Variants in CELF6 observed in about 807,000 individuals in gnomAD.
CELF6 encodes CUGBP Elav-like family member 6, also known as Bruno -like 6, RNA binding protein.
A neutral mutation model predicts 53.1 loss-of-function variants in CELF6; 32 were observed. That is an observed-to-expected ratio of 0.60 (90% CI 0.46 to 0.81). CELF6 has a LOEUF of 0.81. CELF6 is among the 30% of genes least tolerant of loss of function. The pLI is 0.00. For synonymous variants in CELF6, 291 were observed against 288.8 expected (o/e 1.01, Z -0.08); for missense variants, 539 against 669.5 (o/e 0.81, Z 2.15).
chr15:72,293,075 C>A (rs1196027070), intron 3 of CELF6, among the ~76,000 whole-genome samples: 1 of 152,180 alleles, frequency 6.6e-6, no homozygotes, highest in Admixed American at 6.5e-5. Flanking sequence ...CCCTATGGAT[C>A]TGGACTACTG....
rs369096275 is a variant in CELF6, at chr15:72,288,890, G to A, written c.1071C>T (p.Tyr357=). Residue 357 remains tyrosine, a synonymous_variant, in exon 9 of 13, where the codon TAC becomes TAT. Coordinates refer to ENST00000287202, the MANE Select transcript of CELF6 (RefSeq NM_052840.5). The surrounding 1 kb of genome is among the most constrained non-coding windows in gnomAD (Gnocchi z 4.6). ...PGVADPLQQA[Y]AGMHHYAAAY... Reference sequence around the variant, plus strand: ...AACCTGCGTAGTGGTGCATCCCAGCGTAGGCCTGCTGCAGGGGGTCAGCCA... The same window carrying A: ...AACCTGCGTAGTGGTGCATCCCAGCATAGGCCTGCTGCAGGGGGTCAGCCA... 280 of 1,550,986 alleles carry A rather than the reference G, an allele frequency of 1.8e-4. 1 individual carries two copies. The African/African-American group carries it at 2.9e-3, about 16-fold the overall frequency.
intron 2 of CELF6, 143 bp downstream of exon 2, chr15:72,315,702 G>T: frequency 1.9e-6 from 1 of 533,326 alleles, no homozygotes; most frequent in East Asian, 3.3e-5. Context: ...TTGCTGTTCA[G>T]GGTACAGGAA....
rs904826673 is a variant in CELF6 at position 72,288,133 on chromosome 15, C to T, written c.1318+175G>A. On this transcript the variant is annotated intron_variant, in intron 11 of 12. Coordinates refer to ENST00000287202, the MANE Select transcript of CELF6 (RefSeq NM_052840.5). This position sits in a 1 kb window ranked among gnomAD's most constrained non-coding sequence, Gnocchi z 4.6. ...GATTACAGGCGTGAGCCACCATGCC[C>T]GGCCAAGGCTTGTTGTTGGCCTAAA... Among the ~76,000 whole-genome samples, 3 of 152,208 alleles carry T rather than the reference C, an allele frequency of 2.0e-5. No homozygotes were observed. The highest frequency in any genetic ancestry group is 3.9e-4 in the East Asian group (2 of 5,192).
chr15:72,294,328 G>A (rs762469097), intron 3 of CELF6, among the ~76,000 whole-genome samples: 65 of 152,262 alleles, frequency 4.3e-4, no homozygotes, highest in Non-Finnish European at 7.2e-4. Flanking sequence ...TCCAGCCTTC[G>A]GGTACCAACT....
At chr15:72,293,073 A>G (rs74026059) in intron 3 of CELF6, among the ~76,000 whole-genome samples, 304 of 152,292 alleles carry the variant, frequency 2.0e-3, no homozygotes, top group African/African-American at 6.8e-3. Context: ...GACCCTATGG[A>G]TCTGGACTAC....
At chr15:72,309,772 C>G (rs2088273421) in intron 2 of CELF6, among the ~76,000 whole-genome samples, 1 of 152,184 alleles carries the variant, frequency 6.6e-6, no homozygotes. Flanking sequence ...AGGAGTCCCC[C>G]TTGAGGAAAA....
chr15:72,314,442 G>C (rs2088335516), intron 2 of CELF6, among the ~76,000 whole-genome samples: 1 of 152,094 alleles, frequency 6.6e-6, no homozygotes, highest in African/African-American at 2.4e-5. Flanking sequence ...CCTCACTACA[G>C]CCAAGCGAGC....
chr15:72,302,040 G>T (rs1277767360), intron 3 of CELF6, among the ~76,000 whole-genome samples: 1 of 152,150 alleles, frequency 6.6e-6, no homozygotes, highest in Non-Finnish European at 1.5e-5. Context: ...CAGCCAAAAA[G>T]TTGACTTTCT....
intron 2 of CELF6, chr15:72,306,057 C>A: frequency 1.0e-6 from 1 of 984,298 alleles, no homozygotes; most frequent in Non-Finnish European, 1.2e-6. Flanking sequence ...TTTGAAAACG[C>A]TCCTAGGTGA....
At chr15:72,317,855 C>G (rs552785321) in intron 1 of CELF6, among the ~76,000 whole-genome samples, 2 of 152,124 alleles carry the variant, frequency 1.3e-5, no homozygotes, top group East Asian at 3.9e-4. Context: ...TAAAGAAGCC[C>G]CATGTGGACT....
Position 72,319,975 on chromosome 15 carries a change from C to A in CELF6, c.-101G>T. 1 of 1,255,662 alleles carries A rather than the reference C, an allele frequency of 8.0e-7. No individual in the cohort carries two copies. Among genetic ancestry groups the A allele is most frequent in the Non-Finnish European group, 1.0e-6 (1 of 987,426 alleles). 77.8% of individuals were successfully genotyped at this position (1,255,662 alleles called of 1,614,324 possible). ...GAGGGCCAGGGGGAGGGGGCGGAGC[C>A]CGGGCGGAGAGGGCGGGGGGCTGCC... On this transcript the variant is annotated 5_prime_UTR_variant, in exon 1 of 13. Transcript: ENST00000287202. This position sits in a 1 kb window ranked among gnomAD's most constrained non-coding sequence, Gnocchi z 5.0.
chr15:72,291,303 G>A (rs746792855), intron 3 of CELF6, among the ~76,000 whole-genome samples: 6 of 152,200 alleles, frequency 3.9e-5, no homozygotes, highest in South Asian at 2.1e-4. Context: ...CTCTGGGAGC[G>A]TGGGGTAGAG....
At chr15:72,317,208 G>C (rs2088374137) in intron 1 of CELF6, among the ~76,000 whole-genome samples, 1 of 152,144 alleles carries the variant, frequency 6.6e-6, no homozygotes, top group African/African-American at 2.4e-5. Flanking sequence ...CCACTTTAAA[G>C]GGTTTTAAGC....
intron 11 of CELF6, among the ~76,000 whole-genome samples, chr15:72,287,637 C>T (rs189014513): frequency 1.1e-3 from 164 of 152,250 alleles, no homozygotes; most frequent in African/African-American, 2.7e-3. Flanking sequence ...TGGATGTTTC[C>T]GTGTTTTTCC....
intron 3 of CELF6, 96 bp downstream of exon 3, chr15:72,304,650 A>T: frequency 9.2e-7 from 1 of 1,086,328 alleles, no homozygotes; most frequent in Non-Finnish European, 1.4e-6. Flanking sequence ...TGACCCAGGG[A>T]GGCTCTCATA....
chr15:72,294,856 T>C (rs1313269938), intron 3 of CELF6, among the ~76,000 whole-genome samples: 1 of 151,628 alleles, frequency 6.6e-6, no homozygotes, highest in East Asian at 1.9e-4. Context: ...CATGTGTCTG[T>C]AGTCCCAGCT....
At chr15:72,294,333 C>T (rs1023582468) in intron 3 of CELF6, among the ~76,000 whole-genome samples, 1 of 152,176 alleles carries the variant, frequency 6.6e-6, no homozygotes, top group African/African-American at 2.4e-5. Flanking sequence ...CCTTCGGGTA[C>T]CAACTACCAG....
intron 3 of CELF6, among the ~76,000 whole-genome samples, chr15:72,298,974 G>A (rs2088113744): frequency 6.6e-6 from 1 of 152,212 alleles, no homozygotes; most frequent in African/African-American, 2.4e-5. Flanking sequence ...TTGGGAGGCT[G>A]AGGCCGGTAA....
chr15:72,298,658 G>C (rs894647208), intron 3 of CELF6, among the ~76,000 whole-genome samples: 1 of 152,184 alleles, frequency 6.6e-6, no homozygotes, highest in African/African-American at 2.4e-5. Flanking sequence ...TATGAAATTT[G>C]AAAGAGGAAA....
Sources: allele counts gnomAD v4.1 joint callset (sites outside exome capture counted in the v4.1 genomes callset), GRCh38; gene constraint gnomAD v4.1.1; non-coding constraint Gnocchi (gnomAD v3.1); transcripts MANE v1.5; gene names NCBI Gene and HGNC (gene_info 2026-07-23, HGNC 2026-07-21).